Variants in MARCHF1 observed in about 807,000 individuals in gnomAD.
MARCHF1 encodes the protein membrane associated ring-CH-type finger 1.
In MARCHF1, 40 loss-of-function variants were observed where a neutral mutation model predicts 54.2. The observed-to-expected ratio is 0.74, with a 90% CI of 0.57 to 0.96. The LOEUF (loss-of-function observed/expected upper bound fraction) is 0.96, where lower values mean the gene tolerates loss of function less well. MARCHF1 is among the 40% of genes least tolerant of loss of function. The pLI is 0.00. For synonymous variants in MARCHF1, 236 were observed against 236.3 expected (o/e 1.00, Z 0.01); for missense variants, 586 against 656.5 (o/e 0.89, Z 1.17).
chr4:163,959,597 T>C (rs925583050), intron 3 of MARCHF1, among the ~76,000 whole-genome samples: 1 of 151,872 alleles, frequency 6.6e-6, no homozygotes, highest in South Asian at 2.1e-4. Context: ...GGTGTTAGGA[T>C]AACTGAGTAG....
intron 1 of MARCHF1, among the ~76,000 whole-genome samples, chr4:164,118,225 T>C (rs1755980420): frequency 6.6e-6 from 1 of 151,736 alleles, no homozygotes; most frequent in Admixed American, 6.6e-5. Context: ...AAACATTAAC[T>C]TGTACTTTGG....
At chr4:164,071,163 T>C (rs1236160118) in intron 2 of MARCHF1, among the ~76,000 whole-genome samples, 2 of 152,230 alleles carry the variant, frequency 1.3e-5, no homozygotes, top group African/African-American at 2.4e-5. Context: ...GTTTGACCTT[T>C]TTCAAATGTA....
intron 5 of MARCHF1, among the ~76,000 whole-genome samples, chr4:163,660,734 G>A (rs924481092): frequency 2.0e-5 from 3 of 152,026 alleles, no homozygotes; most frequent in Non-Finnish European, 4.4e-5. Context: ...AATCACAGAC[G>A]GATATTAAAC....
At chr4:164,161,154 C>T (rs1051585876) in intron 1 of MARCHF1, among the ~76,000 whole-genome samples, 1 of 152,094 alleles carries the variant, frequency 6.6e-6, no homozygotes, top group African/African-American at 2.4e-5. Context: ...GCAGATTTCT[C>T]ATTAATGGCT....
intron 8 of MARCHF1, among the ~76,000 whole-genome samples, chr4:163,571,884 T>G (rs1739852665): frequency 6.6e-6 from 1 of 152,132 alleles, no homozygotes; most frequent in African/African-American, 2.4e-5. Context: ...TGTCACTTGC[T>G]TTTGCTTTAT....
intron 1 of MARCHF1, among the ~76,000 whole-genome samples, chr4:164,154,948 G>A (rs988946348): frequency 6.6e-6 from 1 of 152,202 alleles, no homozygotes; most frequent in Non-Finnish European, 1.5e-5. Context: ...AGGGAATGGA[G>A]TGGGAAAATG....
intron 6 of MARCHF1, 50 bp downstream of exon 6, chr4:163,613,264 C>T (rs773762169): frequency 6.5e-6 from 10 of 1,527,426 alleles, no homozygotes; most frequent in South Asian, 5.2e-5. Context: ...AACAAGAATA[C>T]GAATATTGAT....
intron 2 of MARCHF1, among the ~76,000 whole-genome samples, chr4:164,100,760 C>T (rs1445281116): frequency 1.3e-5 from 2 of 152,144 alleles, no homozygotes; most frequent in Admixed American, 6.5e-5. Flanking sequence ...GGGGAGGAGC[C>T]AAGATGGCCG....
intron 9 of MARCHF1, among the ~76,000 whole-genome samples, chr4:163,536,031 T>G (rs745431479): frequency 5.9e-5 from 9 of 152,156 alleles, no homozygotes; most frequent in Admixed American, 2.6e-4. Context: ...ATGTCCATAG[T>G]GCTGAGGTTG....
intron 3 of MARCHF1, among the ~76,000 whole-genome samples, chr4:163,899,763 T>TACACACACACACACACACACAC (rs70948674): frequency 3.4e-5 from 5 of 148,752 alleles, no homozygotes; most frequent in African/African-American, 1.2e-4. Context: ...TCTCACCCAC[T>TACACACACACACACACACACAC]ACACACACAC....
intron 2 of MARCHF1, among the ~76,000 whole-genome samples, chr4:163,995,912 C>T (rs1161889208): frequency 1.3e-5 from 2 of 151,824 alleles, no homozygotes; most frequent in African/African-American, 4.8e-5. Context: ...TAAGTAAAAA[C>T]CAAAAATCAA....
intron 3 of MARCHF1, among the ~76,000 whole-genome samples, chr4:163,916,645 C>T (rs1372218071): frequency 6.6e-6 from 1 of 151,950 alleles, no homozygotes; most frequent in South Asian, 2.1e-4. Flanking sequence ...CAAACAGTGC[C>T]GCATGTATCT....
At chr4:164,044,148 T>C (rs1282814867) in intron 2 of MARCHF1, among the ~76,000 whole-genome samples, 1 of 152,212 alleles carries the variant, frequency 6.6e-6, no homozygotes, top group Non-Finnish European at 1.5e-5. Context: ...GTTACCCAGT[T>C]GCAAAGTCGC....
intron 2 of MARCHF1, among the ~76,000 whole-genome samples, chr4:164,053,067 T>C (rs1036878318): frequency 1.3e-5 from 2 of 152,206 alleles, no homozygotes; most frequent in African/African-American, 4.8e-5. Context: ...TCAAGTTTTT[T>C]AATAATCAAA....
At chr4:164,066,354 A>G (rs1358892985) in intron 2 of MARCHF1, among the ~76,000 whole-genome samples, 3 of 152,216 alleles carry the variant, frequency 2.0e-5, no homozygotes, top group Non-Finnish European at 4.4e-5. Context: ...GTTACTATTA[A>G]AAAGTCAAAA....
chr4:164,234,880 A>G (rs923793545), intron 1 of MARCHF1: 10 of 152,142 alleles, frequency 6.6e-5, no homozygotes, highest in Non-Finnish European at 1.3e-4. Flanking sequence ...CAGCGGTGCT[A>G]TTGATTTACA....
intron 2 of MARCHF1, among the ~76,000 whole-genome samples, chr4:164,019,439 T>C (rs191013615): frequency 1.3e-5 from 2 of 152,314 alleles, no homozygotes; most frequent in Non-Finnish European, 2.9e-5. Context: ...ACTGGTATCA[T>C]GAGTGAGATT....
At chr4:163,884,833 A>T (rs1416800217) in intron 3 of MARCHF1, among the ~76,000 whole-genome samples, 1 of 152,142 alleles carries the variant, frequency 6.6e-6, no homozygotes, top group African/African-American at 2.4e-5. Flanking sequence ...TACTTTAAAA[A>T]CTGATAAATG....
At chr4:163,854,984 T>C (rs1403197743) in intron 3 of MARCHF1, among the ~76,000 whole-genome samples, 1 of 152,178 alleles carries the variant, frequency 6.6e-6, no homozygotes, top group African/African-American at 2.4e-5. Context: ...GTTAAATGCA[T>C]TACACTGTCA....
Sources: allele counts gnomAD v4.1 joint callset (sites outside exome capture counted in the v4.1 genomes callset), GRCh38; gene constraint gnomAD v4.1.1; transcripts MANE v1.5; gene names NCBI Gene and HGNC (gene_info 2026-07-23, HGNC 2026-07-21).